Variants in PITPNC1 observed in about 807,000 individuals in gnomAD.
PITPNC1 encodes the protein cytoplasmic phosphatidylinositol transfer protein 1.
In PITPNC1, 18 loss-of-function variants were observed where a neutral mutation model predicts 44.7. That is an observed-to-expected ratio of 0.40 (90% CI 0.28 to 0.60). The LOEUF is 0.60. Among genes scored for constraint, PITPNC1 ranks in the 20% least tolerant of loss-of-function variants. The pLI is 0.39. For synonymous variants in PITPNC1, 141 were observed against 149.6 expected, an observed-to-expected ratio of 0.94 and a Z score of 0.42; for missense variants, 290 against 418.4, an observed-to-expected ratio of 0.69 and a Z score of 2.68.
At chr17:67,591,278 T>C (rs2041388380) in intron 5 of PITPNC1, among the ~76,000 whole-genome samples, 2 of 152,218 alleles carry the variant, frequency 1.3e-5, no homozygotes, top group South Asian at 4.1e-4. Flanking sequence ...TGATGAATTA[T>C]TTTAGATTAA....
intron 1 of PITPNC1, among the ~76,000 whole-genome samples, chr17:67,433,132 A>C (rs909026178): frequency 2.0e-5 from 3 of 152,138 alleles, no homozygotes; most frequent in Non-Finnish European, 4.4e-5. Flanking sequence ...GATATTTGGC[A>C]AAAGAGCCAT....
At chr17:67,592,743 A>C (rs2041409066) in intron 5 of PITPNC1, among the ~76,000 whole-genome samples, 1 of 152,232 alleles carries the variant, frequency 6.6e-6, no homozygotes, top group Non-Finnish European at 1.5e-5. Context: ...CATAGGGAAA[A>C]CTAAAATAAT....
chr17:67,383,793 C>G (rs190757065), intron 1 of PITPNC1, among the ~76,000 whole-genome samples: 1 of 152,146 alleles, frequency 6.6e-6, no homozygotes, highest in Admixed American at 6.6e-5. Context: ...AATCCCAGCA[C>G]TTTGGGAGGC....
chr17:67,436,148 A>G, intron 1 of PITPNC1, among the ~76,000 whole-genome samples: 1 of 151,292 alleles, frequency 6.6e-6, no homozygotes, highest in Non-Finnish European at 1.5e-5. Context: ...GTGTGCCACC[A>G]CACCCAGCCA....
At chr17:67,393,324 A>G (rs1411081831) in intron 1 of PITPNC1, among the ~76,000 whole-genome samples, 3 of 150,964 alleles carry the variant, frequency 2.0e-5, no homozygotes, top group East Asian at 3.9e-4. Flanking sequence ...CTAAATCCCT[A>G]TTTCTCCCTA....
At chr17:67,448,992 C>T (rs2039139479) in intron 1 of PITPNC1, among the ~76,000 whole-genome samples, 2 of 152,178 alleles carry the variant, frequency 1.3e-5, no homozygotes, top group Admixed American at 1.3e-4. Flanking sequence ...CTCTCGAACT[C>T]CTGACCTCAG....
chr17:67,478,985 T>G (rs1344454459), intron 1 of PITPNC1, among the ~76,000 whole-genome samples: 1 of 151,726 alleles, frequency 6.6e-6, no homozygotes, highest in African/African-American at 2.4e-5. Flanking sequence ...CAGCACAGAG[T>G]GGAGAGGGCA....
chr17:67,469,344 G>A (rs912270243), intron 1 of PITPNC1, among the ~76,000 whole-genome samples: 4 of 152,158 alleles, frequency 2.6e-5, no homozygotes, highest in Non-Finnish European at 4.4e-5. Flanking sequence ...TGTGGTCTCC[G>A]TTTTGAGCTC....
At chr17:67,387,011 G>A (rs1218982678) in intron 1 of PITPNC1, among the ~76,000 whole-genome samples, 1 of 152,152 alleles carries the variant, frequency 6.6e-6, no homozygotes, top group Admixed American at 6.5e-5. Context: ...ATATTAAAAC[G>A]GACAAACCAA....
intron 1 of PITPNC1, among the ~76,000 whole-genome samples, chr17:67,460,726 CTT>C (rs1473743970): frequency 7.9e-5 from 11 of 139,198 alleles, no homozygotes; most frequent in African/African-American, 3.0e-4. Flanking sequence ...TTTCTTTTTT[CTT>C]TTTCTTTCTT....
chr17:67,471,168 C>T (rs1010094153), intron 1 of PITPNC1, among the ~76,000 whole-genome samples: 2 of 128,334 alleles, frequency 1.6e-5, no homozygotes, highest in African/African-American at 3.1e-5. Context: ...TGCCAAATCC[C>T]CCTCTGTGAG....
chr17:67,641,900 G>A (rs73997207), intron 6 of PITPNC1, among the ~76,000 whole-genome samples: 3 of 151,718 alleles, frequency 2.0e-5, no homozygotes, highest in African/African-American at 7.3e-5. Flanking sequence ...TCTTATTATG[G>A]TACTGCAAGA....
intron 1 of PITPNC1, among the ~76,000 whole-genome samples, chr17:67,466,206 G>T (rs948248745): frequency 5.9e-4 from 67 of 113,970 alleles, no homozygotes; most frequent in African/African-American, 1.6e-3. Context: ...GTGGGGGGGT[G>T]GGGGGGGGCG....
At chr17:67,392,794 GT>G (rs201673517) in intron 1 of PITPNC1, among the ~76,000 whole-genome samples, 2,635 of 152,136 alleles carry the variant, frequency 0.017, 41 homozygotes, top group Non-Finnish European at 0.028. Context: ...ATCCTGGTGA[GT>G]TTTTTATTAA....
rs1160522771 is a variant in PITPNC1 at position 67,425,193 on chromosome 17, G to GCGCGCGCGCGCACACACACACACA, written c.48+46992_48+46993insGCGCGCGCGCACACACACACACAC. Among the ~76,000 whole-genome samples, 15 of 52,120 alleles carry GCGCGCGCGCGCACACACACACACA rather than the reference G, an allele frequency of 2.9e-4. 2 individuals carry two copies. The highest frequency in any genetic ancestry group is 1.1e-3 in the East Asian group (2 of 1,808). 34.2% of individuals were successfully genotyped at this position (52,120 alleles called of 152,430 possible). On this transcript the variant is annotated intron_variant, in intron 1 of 8. Coordinates refer to ENST00000581322, the MANE Select transcript of PITPNC1 (RefSeq NM_012417.4). ...AAATAAACAGCCATGTTGTGCGCGC[G>GCGCGCGCGCGCACACACACACACA]CACGCACACGCACACACACACACAC...
chr17:67,601,856 G>T (rs938683246), intron 5 of PITPNC1, among the ~76,000 whole-genome samples: 1 of 152,078 alleles, frequency 6.6e-6, no homozygotes, highest in African/African-American at 2.4e-5. Context: ...GGAAAAGCAG[G>T]GCAGGCAAGG....
intron 1 of PITPNC1, among the ~76,000 whole-genome samples, chr17:67,522,659 C>CCTTTTTTTTTTTTTTTTTTTTTTTTTTTT (rs1555661487): frequency 6.8e-5 from 8 of 117,228 alleles, no homozygotes; most frequent in African/African-American, 3.5e-4. Flanking sequence ...CCATTTTAAT[C>CCTTTTTTTTTTTTTTTTTTTTTTTTTTTT]TTTTTTTTTT....
intron 1 of PITPNC1, among the ~76,000 whole-genome samples, chr17:67,489,184 A>T: frequency 6.6e-6 from 1 of 150,830 alleles, no homozygotes; most frequent in East Asian, 1.9e-4. Flanking sequence ...AGAACTTGGG[A>T]GAGCCACCCT....
intron 1 of PITPNC1, chr17:67,379,043 CAGAT>C: frequency 1.1e-5 from 11 of 985,748 alleles, no homozygotes; most frequent in Non-Finnish European, 1.3e-5. Context: ...AGTGGTGACT[CAGAT>C]AGGATTATTC....
Sources: gnomAD v4.1 joint callset for allele counts (sites outside exome capture counted in the v4.1 genomes callset) on GRCh38, gnomAD v4.1.1 for gene constraint, MANE v1.5 for transcripts, NCBI Gene and HGNC (gene_info 2026-07-23, HGNC 2026-07-21) for gene names.